Variants in FHOD3 observed in about 807,000 individuals in gnomAD.
The protein encoded by FHOD3 is formin homology 2 domain containing 3.
In FHOD3, 90 loss-of-function variants were observed where a neutral mutation model predicts 173.0. The observed-to-expected ratio is 0.52, with a 90% confidence interval of 0.44 to 0.62. The LOEUF is 0.62. Ranked by LOEUF, FHOD3 falls within the 20% of genes least tolerant of loss-of-function variation. FHOD3 has a pLI of 0.00. For missense variants in FHOD3, 1,945 were observed against 2,034.7 expected, an observed-to-expected ratio of 0.96 and a Z score of 0.85; for synonymous variants, 828 against 823.0, an observed-to-expected ratio of 1.01 and a Z score of -0.10.
Position 36,593,262 on chromosome 18 carries a change from G to A in FHOD3, c.607-1525G>A, listed in dbSNP as rs564787476. ...TGGTGATGGAAGTCCTATCATATTG[G>A]GGTGATGAGTCAGTGGGAAGTTAGG... is the stretch of plus-strand genomic sequence containing the variant. On this transcript the variant is annotated intron_variant, in intron 6 of 28. Coordinates refer to ENST00000590592, the MANE Select transcript of FHOD3 (RefSeq NM_001281740.3). 9.2e-5 allele frequency among the ~76,000 whole-genome samples: 14 copies of A among 152,284 alleles called. No homozygotes were observed. The South Asian group carries it at 2.1e-3, about 23-fold the overall frequency.
intron 5 of FHOD3, among the ~76,000 whole-genome samples, chr18:36,524,833 T>A (rs1032137470): frequency 1.3e-5 from 2 of 152,228 alleles, no homozygotes; most frequent in Non-Finnish European, 2.9e-5. Context: ...ATCAGCTGAC[T>A]GGTTCATTCA....
At chr18:36,664,801 AG>A (rs1326064736) in intron 14 of FHOD3, among the ~76,000 whole-genome samples, 12 of 151,728 alleles carry the variant, frequency 7.9e-5, no homozygotes, top group Admixed American at 3.3e-4. Flanking sequence ...AGAGAGAGAG[AG>A]AGAGAGAGAG....
chr18:36,712,843 CA>C (rs111496299), intron 18 of FHOD3, among the ~76,000 whole-genome samples: 2,195 of 139,426 alleles, frequency 0.016, 14 homozygotes, highest in African/African-American at 0.026. Context: ...AACTAAAGAC[CA>C]AAAAAAAAAA....
At chr18:36,540,562 C>T (rs2057168704) in intron 5 of FHOD3, among the ~76,000 whole-genome samples, 1 of 152,158 alleles carries the variant, frequency 6.6e-6, no homozygotes, top group Non-Finnish European at 1.5e-5. Context: ...GCTGCTATAT[C>T]CAGGTCTGCT....
chr18:36,779,751 T>C lies in FHOD3; in HGVS notation c.*221T>C. ...TACCTTCTCCATCGTGTCAGCTGTGTTTCTCTTGATTCCGTGACACCCGGT... is the reference window on the plus strand; with the variant it reads ...TACCTTCTCCATCGTGTCAGCTGTGCTTCTCTTGATTCCGTGACACCCGGT... On this transcript the variant is annotated 3_prime_UTR_variant, in exon 29 of 29. Transcript: ENST00000590592. 1 of 552,870 alleles carries C rather than the reference T, an allele frequency of 1.8e-6. No homozygotes were observed. Among genetic ancestry groups the C allele is most frequent in the Non-Finnish European group, 3.2e-6 (1 of 311,940 alleles). 34.2% of individuals were successfully genotyped at this position (552,870 alleles called of 1,614,324 possible). A position where few individuals can be genotyped will look rare whatever the true frequency, so the allele number is the denominator to read the frequency against.
chr18:36,525,407 A>G (rs2056466171), intron 5 of FHOD3, among the ~76,000 whole-genome samples: 1 of 152,136 alleles, frequency 6.6e-6, no homozygotes. Context: ...AGATCAGACC[A>G]CAACTGACAC....
chr18:36,743,308 C>CAAAA (rs57694311), intron 22 of FHOD3, among the ~76,000 whole-genome samples: 4 of 65,876 alleles, frequency 6.1e-5, no homozygotes, highest in Admixed American at 2.2e-4. Context: ...GACTCTGTCT[C>CAAAA]AAAAAAAAAA....
In FHOD3 at chr18:36,683,732, C is replaced by G. The variant is rs374766678; in HGVS notation, c.1970+2162C>G. Reference sequence around the variant, plus strand: ...ATTTCTTTATCTCCTACCCTAGCCTCCCAAACAATATTGCTACAGAAGCAC... The same window carrying G: ...ATTTCTTTATCTCCTACCCTAGCCTGCCAAACAATATTGCTACAGAAGCAC... On this transcript the variant is annotated intron_variant, in intron 15 of 28. Coordinates refer to ENST00000590592, the MANE Select transcript of FHOD3 (RefSeq NM_001281740.3). Among the ~76,000 whole-genome samples the G allele has an allele frequency of 1.6e-4, 24 of 152,322 alleles. No individual in the cohort carries two copies. The East Asian group carries it at 4.4e-3, about 28-fold the overall frequency.
chr18:36,753,303 G>C (rs2042485401), intron 24 of FHOD3, among the ~76,000 whole-genome samples: 1 of 152,176 alleles, frequency 6.6e-6, no homozygotes, highest in Non-Finnish European at 1.5e-5. Flanking sequence ...GGGCTCTGAG[G>C]TGGGCTTTTT....
At chr18:36,438,477 A>G (rs2050938007) in intron 3 of FHOD3, among the ~76,000 whole-genome samples, 1 of 152,092 alleles carries the variant, frequency 6.6e-6, no homozygotes. Context: ...CTGTGGCTTC[A>G]GTAGCCCTTC....
chr18:36,625,386 G>C, intron 9 of FHOD3, 125 bp from the exon 10 acceptor site: 5 of 802,396 alleles, frequency 6.2e-6, no homozygotes, highest in Non-Finnish European at 5.4e-6. Flanking sequence ...GGGAAGCTGA[G>C]GCGTGCAGTT....
At chr18:36,725,446 C>G (rs374647378) in intron 19 of FHOD3, among the ~76,000 whole-genome samples, 2 of 152,298 alleles carry the variant, frequency 1.3e-5, no homozygotes, top group African/African-American at 4.8e-5. Flanking sequence ...TATAGGGAAG[C>G]TTACACAGTC....
chr18:36,416,780 G>A (rs996209896), intron 3 of FHOD3, among the ~76,000 whole-genome samples: 1 of 151,990 alleles, frequency 6.6e-6, no homozygotes, highest in Non-Finnish European at 1.5e-5. Flanking sequence ...ATACTTTGTC[G>A]CTTAAAACCT....
At chr18:36,547,294 C>T (rs1057339711) in intron 5 of FHOD3, among the ~76,000 whole-genome samples, 1 of 152,210 alleles carries the variant, frequency 6.6e-6, no homozygotes, top group Non-Finnish European at 1.5e-5. Flanking sequence ...CTCTCCAAGG[C>T]CATGGTTGCA....
chr18:36,361,196 A>T (rs929945467), intron 2 of FHOD3, among the ~76,000 whole-genome samples: 1 of 151,980 alleles, frequency 6.6e-6, no homozygotes, highest in Non-Finnish European at 1.5e-5. Flanking sequence ...AGTGGAGGCC[A>T]TCAAGTTCTG....
intron 3 of FHOD3, among the ~76,000 whole-genome samples, chr18:36,376,783 C>T (rs1598890116): frequency 6.6e-6 from 1 of 152,236 alleles, no homozygotes; most frequent in African/African-American, 2.4e-5. Flanking sequence ...CAGGCCCTAT[C>T]ATGCAGCCGT....
chr18:36,403,542 T>C (rs975246584), intron 3 of FHOD3, among the ~76,000 whole-genome samples: 4 of 152,220 alleles, frequency 2.6e-5, no homozygotes, highest in African/African-American at 7.2e-5. Flanking sequence ...CGGATCTTAC[T>C]GTTGATCTTC....
At chr18:36,621,677 G>T (rs2033722207) in intron 9 of FHOD3, among the ~76,000 whole-genome samples, 1 of 152,186 alleles carries the variant, frequency 6.6e-6, no homozygotes, top group Non-Finnish European at 1.5e-5. Context: ...GCCAAAGCAA[G>T]CCACATTGTT....
At chr18:36,453,521 C>T (rs560080828) in intron 3 of FHOD3, among the ~76,000 whole-genome samples, 11 of 152,370 alleles carry the variant, frequency 7.2e-5, no homozygotes, top group African/African-American at 2.6e-4. Flanking sequence ...GCAATGCAGC[C>T]TCCAGGAGAG....
Sources: allele counts gnomAD v4.1 joint callset (sites outside exome capture counted in the v4.1 genomes callset), GRCh38; gene constraint gnomAD v4.1.1; transcripts MANE v1.5; gene names NCBI Gene and HGNC (gene_info 2026-07-23, HGNC 2026-07-21).